Variants in TBC1D22A observed in about 807,000 individuals in gnomAD.
TBC1D22A encodes the protein putative GTPase activator.
A neutral mutation model predicts 60.2 loss-of-function variants in TBC1D22A; 38 were observed. The observed-to-expected ratio is 0.63, with a 90% CI of 0.49 to 0.83. The LOEUF (loss-of-function observed/expected upper bound fraction) is 0.83, where lower values mean the gene tolerates loss of function less well. TBC1D22A is among the 40% of genes least tolerant of loss of function. The pLI is 0.00. For missense variants in TBC1D22A, 628 were observed against 701.0 expected, an observed-to-expected ratio of 0.90 and a Z score of 1.18; for synonymous variants, 302 against 281.7, an observed-to-expected ratio of 1.07 and a Z score of -0.72.
At chr22:46,941,109 ACACAC>A (rs2072003752) in intron 8 of TBC1D22A, among the ~76,000 whole-genome samples, 1 of 13,568 alleles carries the variant, frequency 7.4e-5, no homozygotes, top group African/African-American at 2.7e-4. Context: ...GCACTAGCAT[ACACAC>A]ACACACACAC....
intron 9 of TBC1D22A, among the ~76,000 whole-genome samples, chr22:46,976,054 G>C (rs1324863515): frequency 1.3e-5 from 2 of 151,950 alleles, no homozygotes; most frequent in Non-Finnish European, 2.9e-5. Context: ...TCGGCTTTTT[G>C]CCCCCTTAGA....
rs1022164519 is a variant in TBC1D22A, at chr22:46,764,720, C to G, written c.62+1872C>G. On this transcript the variant is annotated intron_variant, in intron 1 of 12. Coordinates refer to ENST00000337137, the MANE Select transcript of TBC1D22A (RefSeq NM_014346.5). The stretch of plus-strand genomic sequence containing the variant: ...AGAGGGAAATTTGAATACAGAGAGA[C>G]ACACACAGGGAAATGGCCCTATGGA... Among the ~76,000 whole-genome samples, 7 of 152,246 alleles carry G rather than the reference C, an allele frequency of 4.6e-5. No homozygotes were observed. In the East Asian group the frequency reaches 9.6e-4, roughly 21 times the overall value.
At chr22:46,768,377 T>C (rs989717223) in intron 1 of TBC1D22A, among the ~76,000 whole-genome samples, 5 of 147,724 alleles carry the variant, frequency 3.4e-5, no homozygotes, top group South Asian at 2.1e-4. Context: ...CCCAGCTGCT[T>C]GGGAGGCTGA....
intron 7 of TBC1D22A, among the ~76,000 whole-genome samples, chr22:46,906,159 GAA>G (rs2069449680): frequency 8.3e-6 from 1 of 120,064 alleles, no homozygotes; most frequent in Non-Finnish European, 1.6e-5. Flanking sequence ...GCAGCTGCAG[GAA>G]ATTCAAGCAG....
chr22:46,941,716 A>G (rs1165273521), intron 8 of TBC1D22A, among the ~76,000 whole-genome samples: 1 of 135,860 alleles, frequency 7.4e-6, no homozygotes, highest in Non-Finnish European at 1.5e-5. Flanking sequence ...CGGAATATAT[A>G]TACGCGGAAT....
At chr22:46,898,730 C>G (rs150827912) in intron 7 of TBC1D22A, among the ~76,000 whole-genome samples, 1 of 152,224 alleles carries the variant, frequency 6.6e-6, no homozygotes, top group East Asian at 1.9e-4. Context: ...ACAGAAACAC[C>G]TTAAAAGATC....
At chr22:47,030,459 T>C (rs1420255253) in intron 10 of TBC1D22A, among the ~76,000 whole-genome samples, 1 of 152,234 alleles carries the variant, frequency 6.6e-6, no homozygotes, top group Non-Finnish European at 1.5e-5. Context: ...TTCAGCAGAA[T>C]TTTCGGTCTG....
rs78239696 is a variant in TBC1D22A, at chr22:46,894,483, A to G, written c.838-301A>G. Among the ~76,000 whole-genome samples the G allele has an allele frequency of 6.7e-3, 1,023 of 152,284 alleles. 10 individuals are homozygous for G. Among genetic ancestry groups the G allele is most frequent in the African/African-American group, 0.023 (967 of 41,570 alleles). ...TGAAAATCGATGTTTACTAATTGCT[A>G]TGGCTGATGTTACTAAGCAGCCGAG... On this transcript the variant is annotated intron_variant, in intron 6 of 12. Transcript: ENST00000337137.
intron 4 of TBC1D22A, among the ~76,000 whole-genome samples, chr22:46,799,095 GGTGTATGTGAAAATGA>G (rs2084788242): frequency 6.6e-6 from 1 of 152,062 alleles, no homozygotes; most frequent in African/African-American, 2.4e-5. Flanking sequence ...AGCACAGCAG[GGTGTATGTGAAAATGA>G]GGCCTGTCCC....
At chr22:47,122,070 A>G (rs754717542) in intron 12 of TBC1D22A, among the ~76,000 whole-genome samples, 18 of 152,216 alleles carry the variant, frequency 1.2e-4, no homozygotes, top group Admixed American at 7.8e-4. Flanking sequence ...CCCTCAAGGC[A>G]AGAGGCGTGC....
intron 12 of TBC1D22A, among the ~76,000 whole-genome samples, chr22:47,152,743 G>T (rs1001018373): frequency 6.6e-6 from 1 of 152,134 alleles, no homozygotes; most frequent in Non-Finnish European, 1.5e-5. Flanking sequence ...CATTTTACAG[G>T]CCCGGGCACG....
intron 8 of TBC1D22A, among the ~76,000 whole-genome samples, chr22:46,923,859 A>G (rs2070897269): frequency 6.6e-6 from 1 of 152,226 alleles, no homozygotes; most frequent in African/African-American, 2.4e-5. Flanking sequence ...CCTTCTGTAC[A>G]TAATGCTCTA....
intron 12 of TBC1D22A, among the ~76,000 whole-genome samples, chr22:47,154,217 ACCCT>A (rs1202940935): frequency 2.0e-5 from 3 of 151,702 alleles, no homozygotes; most frequent in African/African-American, 7.3e-5. Context: ...TGCCCCTGTC[ACCCT>A]CCCCTCCAGC....
At chr22:46,908,032 C>A (rs2069616502) in intron 7 of TBC1D22A, among the ~76,000 whole-genome samples, 1 of 152,218 alleles carries the variant, frequency 6.6e-6, no homozygotes, top group Non-Finnish European at 1.5e-5. Flanking sequence ...CGGCCAGGCA[C>A]ACACCTGAAG....
chr22:46,960,507 C>CG (rs1453055330), intron 8 of TBC1D22A, among the ~76,000 whole-genome samples: 2 of 152,136 alleles, frequency 1.3e-5, no homozygotes, highest in Admixed American at 1.3e-4. Context: ...AATGATCTGC[C>CG]GGCCTCAGTC....
chr22:47,044,686 T>G (rs888856081), intron 11 of TBC1D22A, among the ~76,000 whole-genome samples: 3 of 152,210 alleles, frequency 2.0e-5, no homozygotes, highest in Non-Finnish European at 4.4e-5. Context: ...GGGAGGGATT[T>G]CAAAATGAGA....
intron 9 of TBC1D22A, among the ~76,000 whole-genome samples, chr22:46,993,157 C>T (rs1019646942): frequency 1.3e-5 from 2 of 152,160 alleles, no homozygotes; most frequent in South Asian, 2.1e-4. Context: ...ATTTATATTT[C>T]GACTCTTCTC....
At chr22:47,091,316 G>T (rs1482501371) in intron 11 of TBC1D22A, among the ~76,000 whole-genome samples, 2 of 98,236 alleles carry the variant, frequency 2.0e-5, no homozygotes, top group African/African-American at 4.4e-5. Context: ...GGGTGGCTGC[G>T]TGTTGATAGA....
intron 8 of TBC1D22A, among the ~76,000 whole-genome samples, chr22:46,935,209 A>C (rs925443357): frequency 1.3e-5 from 2 of 152,220 alleles, no homozygotes; most frequent in East Asian, 1.9e-4. Flanking sequence ...CAAGCAGAGT[A>C]GAGTCCAACA....
Sources: gnomAD v4.1 joint callset for allele counts (sites outside exome capture counted in the v4.1 genomes callset) on GRCh38, gnomAD v4.1.1 for gene constraint, MANE v1.5 for transcripts, NCBI Gene and HGNC (gene_info 2026-07-23, HGNC 2026-07-21) for gene names.